Variants in PYGM observed in about 807,000 individuals in gnomAD.
The protein encoded by PYGM is glycogen phosphorylase, muscle associated, also known as glycogen phosphorylase, muscle form.
PYGM carries 81 observed loss-of-function variants against 99.3 expected under a neutral mutation model. That is an observed-to-expected ratio of 0.82 (90% CI 0.68 to 0.98). The LOEUF (loss-of-function observed/expected upper bound fraction) is 0.98. Ranked by LOEUF, PYGM falls within the 50% of genes least tolerant of loss-of-function variation. PYGM has a pLI of 0.00. For synonymous variants in PYGM, 436 were observed against 451.5 expected (o/e 0.97, Z 0.44); for missense variants, 1,030 against 1,158.1 (o/e 0.89, Z 1.61).
chr11:64,760,068 G>A (rs2058424833), upstream of PYGM: 1 of 1,119,480 alleles, frequency 8.9e-7, no homozygotes, highest in African/African-American at 1.6e-5. Context: ...GGCAGCTCAG[G>A]GAGCTATTTT....
chr11:64,746,841 G>C (rs2135822984), intron 19 of PYGM, 33 bp from the exon 20 acceptor site: 1 of 1,614,194 alleles, frequency 6.2e-7, no homozygotes, highest in Non-Finnish European at 8.5e-7. Context: ...GGTTCACTCT[G>C]CTGGCAGGAT....
intron 16 of PYGM, 130 bp from the exon 17 acceptor site, chr11:64,750,713 C>G: frequency 1.2e-6 from 1 of 807,100 alleles, no homozygotes; most frequent in African/African-American, 1.7e-5. Flanking sequence ...CCAGTCTTCA[C>G]CAGCCAAGCC....
intron 17 of PYGM, among the ~76,000 whole-genome samples, chr11:64,749,192 C>G (rs1427635831): frequency 6.6e-6 from 1 of 151,312 alleles, no homozygotes; most frequent in African/African-American, 2.4e-5. Flanking sequence ...ACTAAAAATA[C>G]AAAAATTAGC....
In PYGM at chr11:64,754,503, G is replaced by C; in HGVS notation, c.1000-158C>G. The C allele has an allele frequency of 1.0e-6, 1 of 969,368 alleles. No homozygotes were observed. The highest frequency in any genetic ancestry group is 1.6e-6 in the Non-Finnish European group (1 of 644,568). 60.0% of individuals were successfully genotyped at this position (969,368 alleles called of 1,614,324 possible). A position where few individuals can be genotyped will look rare whatever the true frequency, so the allele number is the denominator to read the frequency against. On this transcript the variant is annotated intron_variant, in intron 8 of 19. Coordinates refer to ENST00000164139, the MANE Select transcript of PYGM (RefSeq NM_005609.4). This position sits in a 1 kb window ranked among gnomAD's most constrained non-coding sequence, Gnocchi z 5.5. The stretch of plus-strand genomic sequence containing the variant: ...TGCTCATGGGGGTGGGAGGAATGGG[G>C]GGAGTGGGGCGGGAGGAGGAGGGAA...
Position 64,752,472 on chromosome 11 carries a change from G to C in PYGM, c.1551C>G (p.Asp517Glu), listed in dbSNP as rs1467786333. Residue 517 changes from aspartate (D) to glutamate (E), a missense_variant, in exon 13 of 20, where the codon GAC becomes GAG. Coordinates refer to ENST00000164139, the MANE Select transcript of PYGM (RefSeq NM_005609.4). ...CAAAGGAGAGCAGTTTGCGCAGCTG[G>C]TCCAGGTCAGAGATGAAGTCCTCCC... is the stretch of plus-strand genomic sequence containing the variant. ...RIGEDFISDLDQLRKLLSFVD... is the reference protein window; with the variant it reads ...RIGEDFISDLEQLRKLLSFVD... 1 of 1,614,218 alleles carries C rather than the reference G, an allele frequency of 6.2e-7. No homozygotes were observed. Among genetic ancestry groups the C allele is most frequent in the African/African-American group, 1.3e-5 (1 of 75,058 alleles).
chr11:64,747,255 C>G lies in PYGM; in HGVS notation c.2281G>C (p.Asp761His), dbSNP rs149985911. The change falls in exon 18 of 20, where the codon GAC (aspartate) becomes CAC (histidine). Residue 761 changes from aspartate (D) to histidine (H), a missense_variant. Asp to His is a moderately conservative substitution (Grantham distance 81, BLOSUM62 -1). Transcript: ENST00000164139. ...TGGTGCATGAGCATATTGACAATGT[C>G]CTTGAACAGGTCGGGCTGTTTGGGG... The part of the protein sequence containing the change: ...FSPKQPDLFK[D>H]IVNMLMHHDR... 6.2e-7 allele frequency: 1 copy of G among 1,614,190 alleles called. No individual in the cohort carries two copies. Among genetic ancestry groups the G allele is most frequent in the African/African-American group, 1.3e-5 (1 of 75,058 alleles).
At chr11:64,757,987 G>A in intron 4 of PYGM, 77 bp from the exon 5 acceptor site, 1 of 1,592,848 alleles carries the variant, frequency 6.3e-7, no homozygotes, top group Non-Finnish European at 8.5e-7. Flanking sequence ...GGGCAGGGTG[G>A]GGGCCGTGGG....
At chr11:64,750,004 G>A (rs887359773) in intron 17 of PYGM, among the ~76,000 whole-genome samples, 11 of 152,088 alleles carry the variant, frequency 7.2e-5, no homozygotes, top group African/African-American at 2.7e-4. Context: ...GTGTTAGCCA[G>A]GATGGTCTGG....
chr11:64,753,122 C>T lies in PYGM; in HGVS notation c.1469G>A (p.Arg490Gln), dbSNP rs1592410540. 1.5e-5 allele frequency: 24 copies of T among 1,614,138 alleles called. No individual in the cohort carries two copies. The highest frequency in any genetic ancestry group is 1.7e-5 in the Non-Finnish European group (20 of 1,180,006). Residue 490 changes from arginine (R) to glutamine (Q), a missense_variant, in exon 12 of 20, where the codon CGG becomes CAG. By Grantham distance (43) the Arg-to-Gln change is conservative (BLOSUM62 1). Transcript: ENST00000164139. ...FQNKTNGITP[R>Q]RWLVLCNPGL... ...GGGGTTACACAGAACCAGCCAGCGC[C>T]GAGGGGTGATGCCGTTGGTCTTATT...
chr11:64,747,231 G>A lies in PYGM; in HGVS notation c.2305C>T (p.His769Tyr). The stretch of plus-strand genomic sequence containing the variant: ...CCGGGCCAACCAGCTCACCGGTCAT[G>A]GTGCATGAGCATATTGACAATGTCC... The part of the protein sequence containing the change: ...FKDIVNMLMH[H>Y]DRFKVFADYE... Residue 769 changes from histidine to tyrosine, a missense_variant, in exon 18 of 20, where the codon CAT becomes TAT. Physicochemically the swap from His to Tyr is moderately conservative, Grantham distance 83. Transcript: ENST00000164139. The A allele has an allele frequency of 1.9e-6, 3 of 1,614,096 alleles. No individual in the cohort carries two copies. Among genetic ancestry groups the A allele is most frequent in the Non-Finnish European group, 1.7e-6 (2 of 1,179,952 alleles).
Position 64,755,272 on chromosome 11 carries a change from C to T in PYGM, c.855+1G>A, listed in dbSNP as rs2135836123. ...AGCCCCCAGCCCAGGGGGTGACGCA[C>T]ATTATCATTGGGGTACAGGACACGA... On this transcript the variant is annotated splice_donor_variant, in intron 7 of 19. Transcript: ENST00000164139. LOFTEE classifies it high-confidence loss of function. This position sits in a 1 kb window ranked among gnomAD's most constrained non-coding sequence, Gnocchi z 4.1. 1 of 1,613,842 alleles carries T rather than the reference C, an allele frequency of 6.2e-7. No individual in the cohort carries two copies.
At chr11:64,750,285 C>T in intron 17 of PYGM, 91 bp downstream of exon 17, 1 of 1,425,590 alleles carries the variant, frequency 7.0e-7, no homozygotes, top group East Asian at 2.3e-5. Flanking sequence ...TGGGCCTGGA[C>T]CAGTCTTTCC....
intron 17 of PYGM, chr11:64,748,493 C>A (rs935999677): frequency 6.6e-5 from 10 of 152,180 alleles, no homozygotes; most frequent in African/African-American, 2.4e-4. Context: ...CAATCTGTAT[C>A]AAGAGCCTTA....
intron 4 of PYGM, among the ~76,000 whole-genome samples, 160 bp from the exon 5 acceptor site, chr11:64,758,070 GA>G (rs2058405564): frequency 6.6e-6 from 1 of 151,986 alleles, no homozygotes; most frequent in South Asian, 2.1e-4. Flanking sequence ...TATCGAGTGG[GA>G]CACGGACCAC....
rs751875471 is a variant in PYGM at position 64,750,375 on chromosome 11, C to T, written c.2177+1G>A. 5 of 1,614,066 alleles carry T rather than the reference C, an allele frequency of 3.1e-6. No homozygotes were observed. Among genetic ancestry groups the T allele is most frequent in the East Asian group, 4.5e-5 (2 of 44,866 alleles). On this transcript the variant is annotated splice_donor_variant, in intron 17 of 19. Transcript: ENST00000164139. LOFTEE classifies it high-confidence loss of function. ...TTGCCCGTGAACCCTGACCCCCATACCCTCTTTGGTCAAGCTTATCCACAT... is the reference window on the plus strand; with the variant it reads ...TTGCCCGTGAACCCTGACCCCCATATCCTCTTTGGTCAAGCTTATCCACAT...
Position 64,747,257 on chromosome 11 carries a change from T to A in PYGM, c.2279A>T (p.Lys760Met), listed in dbSNP as rs201161067. 1 of 1,614,154 alleles carries A rather than the reference T, an allele frequency of 6.2e-7. No homozygotes were observed. Among genetic ancestry groups the A allele is most frequent in the East Asian group, 2.2e-5 (1 of 44,878 alleles). Residue 760 changes from lysine to methionine, a missense_variant, in exon 18 of 20, where the codon AAG (lysine) becomes ATG (methionine). Lys to Met is a moderately conservative substitution (Grantham distance 95, BLOSUM62 -1). Coordinates refer to ENST00000164139, the MANE Select transcript of PYGM (RefSeq NM_005609.4). ...GTGCATGAGCATATTGACAATGTCC[T>A]TGAACAGGTCGGGCTGTTTGGGGGA... ...FFSPKQPDLF[K>M]DIVNMLMHHD...
At chr11:64,748,578 A>G (rs576286407) in intron 17 of PYGM, 16 of 152,370 alleles carry the variant, frequency 1.1e-4, no homozygotes, top group Admixed American at 9.8e-4. Flanking sequence ...ATGTGGACGT[A>G]GACATTAAAA....
intron 13 of PYGM, 47 bp downstream of exon 13, chr11:64,752,356 A>G (rs763028286): frequency 1.3e-6 from 2 of 1,589,860 alleles, no homozygotes; most frequent in African/African-American, 2.7e-5. Context: ...TGGCCCCTCC[A>G]GCGCTCTCCA....
Position 64,746,681 on chromosome 11 carries a change from G to A in PYGM, c.2507C>T (p.Pro836Leu). The A allele has an allele frequency of 6.2e-7, 1 of 1,614,200 alleles. No individual in the cohort carries two copies. Among genetic ancestry groups the A allele is most frequent in the Non-Finnish European group, 8.5e-7 (1 of 1,180,030 alleles). Residue 836 changes from proline to leucine, a missense_variant, in exon 20 of 20, where the codon CCA (proline) becomes CTA (leucine). By Grantham distance (98) the Pro-to-Leu change is moderately conservative. Coordinates refer to ENST00000164139, the MANE Select transcript of PYGM (RefSeq NM_005609.4). ...WGVEPSRQRL[P>L]APDEAI Reference sequence around the variant, plus strand: ...GGCTCAGATGGCCTCATCCGGGGCTGGCAGGCGCTGGCGGGAAGGCTCCAC... The same window carrying A: ...GGCTCAGATGGCCTCATCCGGGGCTAGCAGGCGCTGGCGGGAAGGCTCCAC...
Sources: gnomAD v4.1 joint callset for allele counts (sites outside exome capture counted in the v4.1 genomes callset) on GRCh38, gnomAD v4.1.1 for gene constraint, Gnocchi (gnomAD v3.1) non-coding constraint, MANE v1.5 for transcripts, NCBI Gene and HGNC (gene_info 2026-07-23, HGNC 2026-07-21) for gene names.